Variants in DOK5 observed in about 807,000 individuals in gnomAD.
DOK5 encodes the protein downstream of tyrosine kinase 5.
A neutral mutation model predicts 43.3 loss-of-function variants in DOK5; 27 were observed. That is an observed-to-expected ratio of 0.62 (90% CI 0.46 to 0.86). The LOEUF is 0.86. Ranked by LOEUF, DOK5 falls within the 40% of genes least tolerant of loss-of-function variation. The pLI, the probability that DOK5 is intolerant of heterozygous loss-of-function variation, is 0.00. For synonymous variants in DOK5, 146 were observed against 140.1 expected, an observed-to-expected ratio of 1.04 and a Z score of -0.30; for missense variants, 373 against 392.9, an observed-to-expected ratio of 0.95 and a Z score of 0.43.
intron 1 of DOK5, among the ~76,000 whole-genome samples, chr20:54,509,813 A>G (rs1280534474): frequency 2.0e-5 from 3 of 152,162 alleles, no homozygotes; most frequent in Non-Finnish European, 4.4e-5. Context: ...GCCTGCTCAC[A>G]CTGACCCCTG....
rs141336019 is a variant in DOK5 at position 54,486,669 on chromosome 20, T to G, written c.66+10657T>G. ...TCACACTTTAGTTTGGGTCTCAGCT[T>G]GGCCGCTTATTGGCTCTGTAGCCTT... On this transcript the variant is annotated intron_variant, in intron 1 of 7. Transcript: ENST00000262593. Among the ~76,000 whole-genome samples, 469 of 152,256 alleles carry G rather than the reference T, an allele frequency of 3.1e-3. 7 individuals are homozygous for G. The highest frequency in any genetic ancestry group is 0.011 in the African/African-American group (456 of 41,550).
chr20:54,512,592 A>C (rs1207856320), intron 1 of DOK5, among the ~76,000 whole-genome samples: 2 of 152,218 alleles, frequency 1.3e-5, no homozygotes, highest in African/African-American at 4.8e-5. Context: ...GTGATAAAAC[A>C]TGGGTTTTGA....
intron 1 of DOK5, 34 bp downstream of exon 1, chr20:54,476,046 C>G (rs751370091): frequency 2.5e-6 from 4 of 1,610,148 alleles, no homozygotes; most frequent in East Asian, 2.2e-5. Flanking sequence ...TGCTGTTCGC[C>G]GGTTCGATTG....
At chr20:54,481,017 TATCTATC>T (rs1981670688) in intron 1 of DOK5, among the ~76,000 whole-genome samples, 17 of 86,342 alleles carry the variant, frequency 2.0e-4, no homozygotes, top group African/African-American at 8.5e-4. Context: ...ATCATCTATC[TATCTATC>T]ATCTATCTAT....
At chr20:54,628,903 A>G (rs1328950992) in intron 6 of DOK5, among the ~76,000 whole-genome samples, 1 of 152,236 alleles carries the variant, frequency 6.6e-6, no homozygotes, top group Non-Finnish European at 1.5e-5. Flanking sequence ...AATGTCTTTT[A>G]GAAAATGGAT....
At chr20:54,560,772 CA>C (rs1984876522) in intron 2 of DOK5, among the ~76,000 whole-genome samples, 1 of 152,194 alleles carries the variant, frequency 6.6e-6, no homozygotes, top group Admixed American at 6.5e-5. Context: ...AGGCATCCAC[CA>C]CCATGCCCAG....
At chr20:54,572,030 A>G (rs185700685) in intron 2 of DOK5, among the ~76,000 whole-genome samples, 1 of 152,218 alleles carries the variant, frequency 6.6e-6, no homozygotes, top group East Asian at 1.9e-4. Flanking sequence ...CTCAGAAATG[A>G]TGGCCTCTCT....
chr20:54,624,241 G>T (rs1987072010), intron 6 of DOK5, among the ~76,000 whole-genome samples: 1 of 152,208 alleles, frequency 6.6e-6, no homozygotes, highest in South Asian at 2.1e-4. Context: ...CTTCACCCTG[G>T]CATGTGCTTG....
chr20:54,576,740 T>C (rs1985465502), intron 2 of DOK5, among the ~76,000 whole-genome samples: 1 of 152,238 alleles, frequency 6.6e-6, no homozygotes, highest in South Asian at 2.1e-4. Context: ...GTGCCATATG[T>C]ACCCACATAA....
intron 1 of DOK5, among the ~76,000 whole-genome samples, chr20:54,535,257 C>T (rs1983921695): frequency 6.6e-6 from 1 of 152,070 alleles, no homozygotes; most frequent in Non-Finnish European, 1.5e-5. Flanking sequence ...TATTCTTCCC[C>T]TTCTGCCCTT....
intron 1 of DOK5, among the ~76,000 whole-genome samples, chr20:54,503,599 T>G (rs565196302): frequency 4.7e-4 from 72 of 152,336 alleles, no homozygotes; most frequent in Non-Finnish European, 6.5e-4. Flanking sequence ...TTTTTCTTTT[T>G]TTTGGATTTT....
At chr20:54,485,605 TATACTC>T (rs1046800029) in intron 1 of DOK5, among the ~76,000 whole-genome samples, 6 of 152,246 alleles carry the variant, frequency 3.9e-5, no homozygotes, top group Non-Finnish European at 5.9e-5. Flanking sequence ...ATGAAGCTGA[TATACTC>T]ATATAAGCAT....
chr20:54,486,543 TA>T (rs1385556252), intron 1 of DOK5, among the ~76,000 whole-genome samples: 5 of 151,932 alleles, frequency 3.3e-5, no homozygotes, highest in African/African-American at 1.2e-4. Flanking sequence ...CTTTCTGGGA[TA>T]CTTTCTCATT....
At chr20:54,576,360 A>C (rs970054289) in intron 2 of DOK5, among the ~76,000 whole-genome samples, 1 of 152,194 alleles carries the variant, frequency 6.6e-6, no homozygotes, top group African/African-American at 2.4e-5. Context: ...TATATCTTCA[A>C]CTGCAAAGAT....
intron 2 of DOK5, among the ~76,000 whole-genome samples, chr20:54,564,037 C>T (rs538500942): frequency 4.6e-5 from 7 of 152,192 alleles, no homozygotes; most frequent in African/African-American, 1.2e-4. Context: ...TACTTTATTG[C>T]GTTGGACCTA....
intron 1 of DOK5, among the ~76,000 whole-genome samples, chr20:54,549,949 T>C (rs955985717): frequency 6.6e-6 from 1 of 152,172 alleles, no homozygotes; most frequent in African/African-American, 2.4e-5. Context: ...GTAATTACAG[T>C]TCTCAGGTGG....
chr20:54,603,302 T>C (rs987128213), intron 5 of DOK5, among the ~76,000 whole-genome samples: 1 of 152,180 alleles, frequency 6.6e-6, no homozygotes, highest in Non-Finnish European at 1.5e-5. Context: ...ATTCCCCTGA[T>C]TTCCAGCGAG....
intron 1 of DOK5, among the ~76,000 whole-genome samples, chr20:54,516,552 G>A (rs565529576): frequency 2.0e-5 from 3 of 152,272 alleles, no homozygotes; most frequent in Middle Eastern, 3.4e-3. Context: ...TCTGAACTGT[G>A]TGTTCCCCTT....
At chr20:54,604,084 C>A (rs902930311) in intron 5 of DOK5, among the ~76,000 whole-genome samples, 1 of 151,392 alleles carries the variant, frequency 6.6e-6, no homozygotes, top group African/African-American at 2.4e-5. Flanking sequence ...GTAGCTGAGA[C>A]TACAGGCGCC....
Sources: allele counts gnomAD v4.1 joint callset (sites outside exome capture counted in the v4.1 genomes callset), GRCh38; gene constraint gnomAD v4.1.1; transcripts MANE v1.5; gene names NCBI Gene and HGNC (gene_info 2026-07-23, HGNC 2026-07-21).